CFAP47: variants seen among roughly 807,000 people sequenced by gnomAD.
The protein encoded by CFAP47 is cilia and flagella associated protein 47.
Under a neutral mutation model 148.1 loss-of-function variants are expected in CFAP47, and 29 were observed. The observed-to-expected ratio is 0.20, with a 90% CI of 0.15 to 0.27. CFAP47 has a LOEUF of 0.27. Ranked by LOEUF, CFAP47 falls within the 10% of genes least tolerant of loss-of-function variation. The pLI is 1.00. For synonymous variants in CFAP47, 664 were observed against 577.3 expected (o/e 1.15, Z -2.15); for missense variants, 1,872 against 1,697.5 (o/e 1.10, Z -1.81).
Position 36,035,701 on chromosome X carries a change from G to T in CFAP47, c.3658G>T (p.Val1220Phe). 3.4e-6 allele frequency: 1 copy of T among 295,433 alleles called. No homozygotes were observed. The highest frequency in any genetic ancestry group is 5.9e-6 in the Non-Finnish European group (1 of 168,931). The allele number at this position is 295,433 out of a possible 1,213,427, so 24.3% of individuals were successfully genotyped here. The change falls in exon 24 of 64, where the codon GTT (valine) becomes TTT (phenylalanine). Residue 1220 changes from valine (V) to phenylalanine (F), a missense_variant. Coordinates refer to ENST00000378653, the MANE Select transcript of CFAP47 (RefSeq NM_001304548.2). ...TTTTTGTGTGTGTGAGCAGAATCTT[G>T]TTTTATATAATATTACCAAACACCA... ...NNKVTKTQNL[V>F]LYNITKHHVT...
rs745397221 is a variant in CFAP47, at chrX:36,099,849, A to G, written c.5097A>G (p.Ala1699=). ...AATTTGAAGCCTGGAGTAAACGGGCATGGACAGATGTATTTCTACAGATAT... is the reference window on the plus strand; with the variant it reads ...AATTTGAAGCCTGGAGTAAACGGGCGTGGACAGATGTATTTCTACAGATAT... ...MSKFEAWSKR[A]WTDVFLQIYK... Residue 1699 remains alanine (A), a synonymous_variant, in exon 32 of 64, where the codon GCA becomes GCG. Transcript: ENST00000378653. 1 of 988,566 alleles carries G rather than the reference A, an allele frequency of 1.0e-6. No individual in the cohort carries two copies. Among genetic ancestry groups the G allele is most frequent in the East Asian group, 3.1e-5 (1 of 32,675 alleles). The allele number at this position is 988,566 out of a possible 1,213,427, so 81.5% of individuals were successfully genotyped here. A position where few individuals can be genotyped will look rare whatever the true frequency, so the allele number is the denominator to read the frequency against.
At chrX:36,300,275 T>C (rs1407176044) in intron 52 of CFAP47, among the ~76,000 whole-genome samples, 1 of 104,821 alleles carries the variant, frequency 9.5e-6, no homozygotes, top group Non-Finnish European at 1.9e-5. Flanking sequence ...AGAGCTGAGA[T>C]ACCATCCCAG....
chrX:35,941,428 C>A (rs773719418), intron 3 of CFAP47, 30 bp downstream of exon 3: 5 of 779,723 alleles, frequency 6.4e-6, no homozygotes, highest in Non-Finnish European at 9.1e-6. Flanking sequence ...TTTACTTACA[C>A]TTTTAGAAGA....
Position 36,085,473 on chromosome X carries a change from A to G in CFAP47, c.4851A>G (p.Val1617=), listed in dbSNP as rs761330549. 1.4e-5 allele frequency: 17 copies of G among 1,205,366 alleles called. No homozygotes were observed. The highest frequency in any genetic ancestry group is 1.9e-5 in the Non-Finnish European group (17 of 892,522). ...PGINSSQSLP[V]DNHEKRVIQL... is the part of the protein sequence containing the mutation. ...TTAATTCAAGTCAATCTTTACCTGT[A>G]GATAACCATGAAAAAAGGGTAATTC... Residue 1617 remains valine (V), a synonymous_variant, in exon 30 of 64, where the codon GTA becomes GTG. Coordinates refer to ENST00000378653, the MANE Select transcript of CFAP47 (RefSeq NM_001304548.2).
At chrX:36,048,058 A>G (rs1937487758) in intron 26 of CFAP47, among the ~76,000 whole-genome samples, 1 of 111,633 alleles carries the variant, frequency 9.0e-6, no homozygotes, top group Non-Finnish European at 1.9e-5. Flanking sequence ...CTGGTTTTCT[A>G]CAGTGAATAT....
At chrX:36,154,478 G>T (rs1036069567) in intron 37 of CFAP47, among the ~76,000 whole-genome samples, 1 of 111,933 alleles carries the variant, frequency 8.9e-6, no homozygotes, top group Non-Finnish European at 1.9e-5. Context: ...TTCTTTTCAC[G>T]AACTTTTAGG....
intron 27 of CFAP47, among the ~76,000 whole-genome samples, chrX:36,067,694 G>T (rs1382722499): frequency 1.0e-5 from 1 of 97,132 alleles, no homozygotes; most frequent in African/African-American, 4.0e-5. Context: ...ATGGAGTCTC[G>T]CTCTGTCTCC....
In CFAP47 at chrX:36,236,780, C is replaced by T; in HGVS notation, c.7253C>T (p.Thr2418Ile). 1 of 522,913 alleles carries T rather than the reference C, an allele frequency of 1.9e-6. No homozygotes were observed. Among genetic ancestry groups the T allele is most frequent in the Non-Finnish European group, 3.5e-6 (1 of 285,878 alleles). The allele number at this position is 522,913 out of a possible 1,213,427, so 43.1% of individuals were successfully genotyped here. The change falls in exon 48 of 64, where the codon ACT becomes ATT. Residue 2418 changes from threonine to isoleucine, a missense_variant. Coordinates refer to ENST00000378653, the MANE Select transcript of CFAP47 (RefSeq NM_001304548.2). The stretch of plus-strand genomic sequence containing the variant: ...AAACCTTCGGCCTTGGAACACATCA[C>T]TGTGGAATGTCAAGTGGGGAATGTG... ...GKKPSALEHITVECQVGNVTQ... is the reference protein window; with the variant it reads ...GKKPSALEHIIVECQVGNVTQ...
intron 55 of CFAP47, among the ~76,000 whole-genome samples, chrX:36,307,397 T>G (rs188223210): frequency 2.2e-4 from 24 of 111,149 alleles, no homozygotes; most frequent in African/African-American, 6.8e-4. Flanking sequence ...AGTACTGTTA[T>G]CAATCCTACT....
intron 39 of CFAP47, among the ~76,000 whole-genome samples, chrX:36,170,164 A>T (rs1386668828): frequency 8.9e-6 from 1 of 111,748 alleles, no homozygotes; most frequent in Non-Finnish European, 1.9e-5. Context: ...TTGGATAAAC[A>T]CTACTCCTGA....
chrX:36,114,630 C>T (rs1938609004), intron 33 of CFAP47, among the ~76,000 whole-genome samples: 1 of 111,497 alleles, frequency 9.0e-6, no homozygotes, highest in African/African-American at 3.3e-5. Flanking sequence ...GCGCTCAGCT[C>T]TCTACTCCTA....
intron 27 of CFAP47, among the ~76,000 whole-genome samples, chrX:36,067,204 C>T (rs140779732): frequency 0.016 from 1,817 of 111,404 alleles, 42 homozygotes; most frequent in African/African-American, 0.056. Flanking sequence ...ACTTCAGCTA[C>T]AATCCATGGG....
At chrX:36,262,522 C>T (rs782795166) in intron 49 of CFAP47, among the ~76,000 whole-genome samples, 1 of 112,100 alleles carries the variant, frequency 8.9e-6, no homozygotes, top group African/African-American at 3.2e-5. Context: ...CCAATTGCAT[C>T]TATGTTATTA....
chrX:36,235,469 G>T lies in CFAP47; in HGVS notation c.7015-465G>T, dbSNP rs1319553641. Among the ~76,000 whole-genome samples, 13 of 112,493 alleles carry T rather than the reference G, an allele frequency of 1.2e-4. No individual in the cohort carries two copies. The East Asian group carries it at 3.7e-3, about 32-fold the overall frequency. On this transcript the variant is annotated intron_variant, in intron 46 of 63. Coordinates refer to ENST00000378653, the MANE Select transcript of CFAP47 (RefSeq NM_001304548.2). ...GGTGCGCCATTTTTTTAAGCCTGTG[G>T]AAAAGCGCAGTATTGAGGTGGGAGT...
intron 16 of CFAP47, among the ~76,000 whole-genome samples, 169 bp from the exon 17 acceptor site, chrX:35,991,652 A>G (rs1203526587): frequency 9.0e-6 from 1 of 111,138 alleles, no homozygotes; most frequent in Non-Finnish European, 1.9e-5. Context: ...GTTAGAACAT[A>G]CTGAATAAAG....
At chrX:36,341,534 G>A (rs1941653435) in intron 57 of CFAP47, among the ~76,000 whole-genome samples, 1 of 111,192 alleles carries the variant, frequency 9.0e-6, no homozygotes, top group Non-Finnish European at 1.9e-5. Context: ...TTACTATCTT[G>A]AGAAAATTTT....
chrX:36,002,362 G>A (rs1023763473), intron 21 of CFAP47, among the ~76,000 whole-genome samples: 3 of 110,681 alleles, frequency 2.7e-5, no homozygotes, highest in East Asian at 2.8e-4. Context: ...CGATGCCAGC[G>A]GATCACCTGA....
At chrX:36,225,823 G>C (rs190194144) in intron 45 of CFAP47, among the ~76,000 whole-genome samples, 192 of 111,115 alleles carry the variant, frequency 1.7e-3, no homozygotes, top group Middle Eastern at 9.3e-3. Context: ...GGGATTTAGG[G>C]CATGTGTTAA....
intron 21 of CFAP47, among the ~76,000 whole-genome samples, chrX:36,008,987 C>A (rs1937010730): frequency 9.1e-6 from 1 of 110,307 alleles, no homozygotes; most frequent in East Asian, 2.9e-4. Context: ...TTTCAGTATC[C>A]AAATGGAGGT....
Sources: gnomAD v4.1 joint callset for allele counts (sites outside exome capture counted in the v4.1 genomes callset) on GRCh38, gnomAD v4.1.1 for gene constraint, MANE v1.5 for transcripts, NCBI Gene and HGNC (gene_info 2026-07-23, HGNC 2026-07-21) for gene names.